Variants in TOMM34 observed in about 807,000 individuals in gnomAD.
TOMM34 encodes mitochondrial import receptor subunit TOM34.
Under a neutral mutation model 37.4 loss-of-function variants are expected in TOMM34, and 24 were observed. That is an observed-to-expected ratio of 0.64 (90% confidence interval 0.46 to 0.90). TOMM34 has a LOEUF of 0.90. TOMM34 is among the 40% of genes least tolerant of loss of function. TOMM34 has a pLI of 0.00. For synonymous variants in TOMM34, 154 were observed against 148.9 expected (o/e 1.03, Z -0.25); for missense variants, 304 against 375.6 (o/e 0.81, Z 1.58).
chr20:44,959,845 G>T, intron 1 of TOMM34: 2 of 843,274 alleles, frequency 2.4e-6, no homozygotes, highest in Non-Finnish European at 2.9e-6. Context: ...CCTCCCCACC[G>T]CCCCCACAAG....
At chr20:44,954,629 A>G in intron 3 of TOMM34, among the ~76,000 whole-genome samples, 1 of 152,206 alleles carries the variant, frequency 6.6e-6, no homozygotes, top group East Asian at 1.9e-4. Context: ...TGGATTGGTC[A>G]CAGTGCAATA....
In TOMM34 at chr20:44,943,685, G is replaced by A. The variant is rs980030068; in HGVS notation, c.699-106C>T. 113 of 1,496,654 alleles carry A rather than the reference G, an allele frequency of 7.6e-5. 1 individual carries two copies. Among genetic ancestry groups the A allele is most frequent in the Admixed American group, 1.1e-4 (6 of 53,996 alleles). 92.7% of individuals were successfully genotyped at this position (1,496,654 alleles called of 1,614,324 possible). ...CTCCAATTTGCTGAACACCTACTCT[G>A]TGCTGGTTACTTTATGTCTTCTTAA... On this transcript the variant is annotated intron_variant, in intron 5 of 6. Coordinates refer to ENST00000372813, the MANE Select transcript of TOMM34 (RefSeq NM_006809.5).
chr20:44,946,233 G>A (rs1444693030), intron 5 of TOMM34, among the ~76,000 whole-genome samples: 1 of 152,198 alleles, frequency 6.6e-6, no homozygotes, highest in Non-Finnish European at 1.5e-5. Flanking sequence ...TGTCTGGGAA[G>A]CAGAGGAACC....
chr20:44,943,182 T>G lies in TOMM34; in HGVS notation c.857A>C (p.Asn286Thr). 2 of 1,614,052 alleles carry G rather than the reference T, an allele frequency of 1.2e-6. No homozygotes were observed. Among genetic ancestry groups the G allele is most frequent in the Non-Finnish European group, 1.7e-6 (2 of 1,179,998 alleles). The change falls in exon 7 of 7, where the codon AAC becomes ACC. Residue 286 changes from asparagine to threonine, a missense_variant. Asn to Thr is a moderately conservative substitution (Grantham distance 65, BLOSUM62 0). Transcript: ENST00000372813. ...DYKSSFADIS[N>T]LLQIEPRNGP... ...ATTCCTAGGCTCAATCTGTAGGAGG[T>G]TGCTGATGTCTGCAAAGCTGGATTT...
chr20:44,952,120 C>A, intron 3 of TOMM34, 118 bp from the exon 4 acceptor site: 1 of 1,249,272 alleles, frequency 8.0e-7, no homozygotes, highest in Non-Finnish European at 1.1e-6. Flanking sequence ...CACCCTCCCC[C>A]TGGTCGGAAC....
chr20:44,952,108 G>A, intron 3 of TOMM34, 106 bp from the exon 4 acceptor site: 1 of 1,378,080 alleles, frequency 7.3e-7, no homozygotes, highest in Non-Finnish European at 9.7e-7. Flanking sequence ...AGCCAGAGCT[G>A]CCACCCTCCC....
intron 3 of TOMM34, 22 bp downstream of exon 3, chr20:44,955,046 A>G (rs1652720310): frequency 6.2e-7 from 1 of 1,613,048 alleles, no homozygotes; most frequent in Non-Finnish European, 8.5e-7. Context: ...CGTGGAGACC[A>G]CCTGCTGGGA....
intron 3 of TOMM34, 54 bp downstream of exon 3, chr20:44,955,014 A>G (rs2067058558): frequency 6.3e-7 from 1 of 1,595,494 alleles, no homozygotes. Flanking sequence ...CCCGCAGCCA[A>G]TCAAGAAGGA....
intron 1 of TOMM34, chr20:44,959,027 A>C (rs1007771474): frequency 2.6e-5 from 4 of 152,124 alleles, no homozygotes; most frequent in African/African-American, 9.7e-5. Context: ...AAACAGATCC[A>C]TATTCAAATC....
intron 1 of TOMM34, among the ~76,000 whole-genome samples, chr20:44,959,445 G>A (rs2067105947): frequency 6.6e-6 from 1 of 152,134 alleles, no homozygotes; most frequent in Non-Finnish European, 1.5e-5. Context: ...CCATCCAGCA[G>A]CTTTCATGCC....
At chr20:44,955,918 A>G (rs1160609957) in intron 2 of TOMM34, among the ~76,000 whole-genome samples, 2 of 152,336 alleles carry the variant, frequency 1.3e-5, no homozygotes, top group Non-Finnish European at 2.9e-5. Context: ...AGAAAAAGAG[A>G]TATGAAACAT....
chr20:44,951,925 GAA>G lies in TOMM34; in HGVS notation c.456_457del (p.Ala154SerfsTer17). The G allele has an allele frequency of 6.2e-7, 1 of 1,614,122 alleles. No individual in the cohort carries two copies. The highest frequency in any genetic ancestry group is 1.6e-4 in the Middle Eastern group (1 of 6,062). ...CAAGGAATTCCACCTCTTCTGAGCT[GAA>G]ACAGGCACCAAGGGGATTGAGGGCA... On this transcript the variant is annotated frameshift_variant, in exon 4 of 7. Transcript: ENST00000372813. LOFTEE classifies it high-confidence loss of function.
chr20:44,944,643 G>A (rs1189727398), intron 5 of TOMM34, among the ~76,000 whole-genome samples: 1 of 152,078 alleles, frequency 6.6e-6, no homozygotes, highest in African/African-American at 2.4e-5. Context: ...TTGAGCCCAG[G>A]AGTTTGAGAC....
At chr20:44,944,109 G>C (rs2145592413) in intron 5 of TOMM34, among the ~76,000 whole-genome samples, 1 of 152,280 alleles carries the variant, frequency 6.6e-6, no homozygotes, top group East Asian at 1.9e-4. Context: ...ATAGTGATAA[G>C]GCAATGTAAT....
chr20:44,945,823 G>T (rs2066976039), intron 5 of TOMM34, among the ~76,000 whole-genome samples: 1 of 151,964 alleles, frequency 6.6e-6, no homozygotes, highest in Admixed American at 6.6e-5. Flanking sequence ...CCAAGTTTTA[G>T]AATAGTAGCC....
chr20:44,959,720 G>T (rs997452159), intron 1 of TOMM34, among the ~76,000 whole-genome samples: 2 of 151,940 alleles, frequency 1.3e-5, no homozygotes, highest in Non-Finnish European at 2.9e-5. Context: ...CTTTACAGAT[G>T]TTGCCCTTGA....
chr20:44,955,284 T>C, intron 2 of TOMM34, 64 bp from the exon 3 acceptor site: 2 of 1,586,350 alleles, frequency 1.3e-6, no homozygotes, highest in Non-Finnish European at 1.7e-6. Flanking sequence ...CCCTACAGTT[T>C]CTTCCAGGCA....
chr20:44,944,902 A>G (rs1031026945), intron 5 of TOMM34, among the ~76,000 whole-genome samples: 1 of 151,820 alleles, frequency 6.6e-6, no homozygotes, highest in East Asian at 1.9e-4. Flanking sequence ...AAGGGTTTTT[A>G]ATCTTTTGAA....
At chr20:44,954,688 C>A (rs562757665) in intron 3 of TOMM34, among the ~76,000 whole-genome samples, 1 of 152,302 alleles carries the variant, frequency 6.6e-6, no homozygotes, top group South Asian at 2.1e-4. Context: ...GTCATAGCTG[C>A]TTGGGCTTGT....
Sources: allele counts gnomAD v4.1 joint callset (sites outside exome capture counted in the v4.1 genomes callset), GRCh38; gene constraint gnomAD v4.1.1; transcripts MANE v1.5; gene names NCBI Gene and HGNC (gene_info 2026-07-23, HGNC 2026-07-21).